POM121: variants seen among roughly 807,000 people sequenced by gnomAD.
POM121 encodes the protein nuclear envelope pore membrane protein POM 121.
Under a neutral mutation model 81.3 loss-of-function variants are expected in POM121, and 32 were observed. The observed-to-expected ratio is 0.39, with a 90% CI of 0.30 to 0.53. POM121 has a LOEUF of 0.53. Among genes scored for constraint, POM121 ranks in the 20% least tolerant of loss-of-function variants. The probability of loss-of-function intolerance (pLI) is 0.66; values close to 1 mark genes in which losing one functional copy is unlikely to be tolerated. For missense variants in POM121, 1,138 were observed against 1,614.6 expected, an observed-to-expected ratio of 0.70 and a Z score of 5.06; for synonymous variants, 514 against 694.2, an observed-to-expected ratio of 0.74 and a Z score of 4.08.
chr7:72,929,004 G>C (rs560555962), intron 4 of POM121, among the ~76,000 whole-genome samples: 3 of 152,324 alleles, frequency 2.0e-5, no homozygotes, highest in East Asian at 1.9e-4. Context: ...CCGTAGTTCT[G>C]CTCACTGTCC....
chr7:72,926,219 C>G lies in POM121; in HGVS notation c.645-43C>G, dbSNP rs545897919. The G allele has an allele frequency of 2.3e-5, 35 of 1,523,974 alleles. No homozygotes were observed. In the East Asian group the frequency reaches 5.4e-4, roughly 24 times the overall value. The allele number at this position is 1,523,974 out of a possible 1,614,324, so 94.4% of individuals were successfully genotyped here. The stretch of plus-strand genomic sequence containing the variant: ...TTTAACCGTTTAAAAATTTGACATT[C>G]TTTTTTGCTTTGGTTCCGTGATTTG... On this transcript the variant is annotated intron_variant, in intron 1 of 12. Coordinates refer to ENST00000434423, the MANE Select transcript of POM121 (RefSeq NM_001387691.1).
At chr7:72,931,130 T>G (rs530143569) in intron 5 of POM121, among the ~76,000 whole-genome samples, 2 of 152,274 alleles carry the variant, frequency 1.3e-5, no homozygotes, top group Admixed American at 1.3e-4. Context: ...GTAATATCAT[T>G]ATCCCTCTTA....
intron 1 of POM121, 55 bp from the exon 2 acceptor site, chr7:72,926,207 A>C (rs1795426564): frequency 6.6e-7 from 1 of 1,508,008 alleles, no homozygotes; most frequent in African/African-American, 1.4e-5. Flanking sequence ...AACCGTTTAA[A>C]AATTTGACAT....
At chr7:72,890,398 C>T (rs1347328783) in intron 1 of POM121, among the ~76,000 whole-genome samples, 1 of 152,102 alleles carries the variant, frequency 6.6e-6, no homozygotes, top group Non-Finnish European at 1.5e-5. Context: ...ATCCCCAAAA[C>T]ACAGTTCAGT....
Position 72,940,027 on chromosome 7 carries a change from A to T in POM121, c.1563+59A>T, listed in dbSNP as rs568098135. On this transcript the variant is annotated intron_variant, in intron 8 of 12. Transcript: ENST00000434423. ...GGCTTAGCTCTCCTAAGTATTAGGA[A>T]CGCTAAGGACAAGTTTCTTCTGATT... is the stretch of plus-strand genomic sequence containing the variant. 8.7e-5 allele frequency: 136 copies of T among 1,563,264 alleles called. 1 individual carries two copies. Among genetic ancestry groups the T allele is most frequent in the Non-Finnish European group, 1.2e-4 (135 of 1,158,176 alleles).
chr7:72,943,073 A>G lies in POM121; in HGVS notation c.3080A>G (p.His1027Arg), dbSNP rs782273062. Residue 1027 changes from histidine (H) to arginine (R), a missense_variant, in exon 11 of 13, where the codon CAT (histidine) becomes CGT (arginine). Around this residue, in one of 7 missense-constraint regions of POM121, gnomAD observed 336 missense variants for 344.3 expected, o/e 0.98. Coordinates refer to ENST00000434423, the MANE Select transcript of POM121 (RefSeq NM_001387691.1). ...CCTGCGTACGTGCCTACGCCCATCC[A>G]TCCTATCTTTGGCGGTGCCACGCAC... ...VVPAYVPTPI[H>R]PIFGGATHSA... The G allele has an allele frequency of 6.2e-7, 1 of 1,613,784 alleles. No individual in the cohort carries two copies. Among genetic ancestry groups the G allele is most frequent in the Admixed American group, 1.7e-5 (1 of 59,990 alleles).
At chr7:72,893,808 G>A (rs1310275544) in intron 3 of POM121, among the ~76,000 whole-genome samples, 5 of 152,026 alleles carry the variant, frequency 3.3e-5, no homozygotes, top group Admixed American at 1.3e-4. Flanking sequence ...CTGTGCTTCC[G>A]CTCCCTTGGG....
intron 4 of POM121, among the ~76,000 whole-genome samples, chr7:72,919,947 T>G (rs1404828614): frequency 6.6e-6 from 1 of 152,228 alleles, no homozygotes; most frequent in African/African-American, 2.4e-5. Flanking sequence ...TAACATGTAC[T>G]GTTTTCCCAG....
chr7:72,949,279 T>C (rs417282), downstream of POM121: 95 of 841,150 alleles, frequency 1.1e-4, 1 homozygote, highest in Middle Eastern at 4.4e-4. Flanking sequence ...TGTGGACCTC[T>C]GAGTCCCTCA....
Position 72,942,581 on chromosome 7 carries a change from T to A in POM121, c.2588T>A (p.Leu863His). The change falls in exon 11 of 13, where the codon CTC becomes CAC. Residue 863 changes from leucine (L) to histidine (H), a missense_variant. Coordinates refer to ENST00000434423, the MANE Select transcript of POM121 (RefSeq NM_001387691.1). ...GCCACTGCCGCCTCACAGCCTTTCC[T>A]CTTCGGGGCGCCCCAGGCCTCTGCT... ...STATAASQPF[L>H]FGAPQASAAS... 1 of 802,340 alleles carries A rather than the reference T, an allele frequency of 1.2e-6. No individual in the cohort carries two copies. Among genetic ancestry groups the A allele is most frequent in the Non-Finnish European group, 1.8e-6 (1 of 540,926 alleles). The allele number at this position is 802,340 out of a possible 1,614,324, so 49.7% of individuals were successfully genotyped here.
In POM121 at chr7:72,926,472, T is replaced by C. The variant is rs1795458089; in HGVS notation, c.855T>C (p.Ser285=). 7 of 1,613,926 alleles carry C rather than the reference T, an allele frequency of 4.3e-6. No homozygotes were observed. The highest frequency in any genetic ancestry group is 5.9e-6 in the Non-Finnish European group (7 of 1,179,890). Residue 285 remains serine (S), a synonymous_variant, in exon 2 of 13, where the codon TCT becomes TCC. Transcript: ENST00000434423. The part of the protein sequence containing the change: ...IAPPDRRFSR[S]AIPEQIISST... The stretch of plus-strand genomic sequence containing the variant: ...CTCCTGACAGAAGATTTTCGCGTTC[T>C]GCGATGTGAGTATTATCGTTGGAAG...
chr7:72,934,901 C>T (rs532440098), intron 5 of POM121, among the ~76,000 whole-genome samples: 2 of 152,072 alleles, frequency 1.3e-5, no homozygotes, highest in South Asian at 4.2e-4. Context: ...ACCCTTGTGC[C>T]AGTCTTTGTT....
intron 1 of POM121, among the ~76,000 whole-genome samples, chr7:72,888,708 A>G (rs1164028468): frequency 1.4e-5 from 2 of 139,558 alleles, no homozygotes; most frequent in Non-Finnish European, 3.0e-5. Flanking sequence ...GTGTGTATAC[A>G]CACAAACTGT....
intron 5 of POM121, among the ~76,000 whole-genome samples, chr7:72,933,911 A>G (rs1199630127): frequency 6.6e-6 from 1 of 152,172 alleles, no homozygotes; most frequent in Non-Finnish European, 1.5e-5. Flanking sequence ...TACTCATGAG[A>G]ATGATCTCAA....
chr7:72,898,105 C>T (rs1430088451), intron 3 of POM121, among the ~76,000 whole-genome samples: 1 of 152,086 alleles, frequency 6.6e-6, no homozygotes, highest in Non-Finnish European at 1.5e-5. Flanking sequence ...AAGGATGACT[C>T]CAGGATTTTT....
intron 1 of POM121, among the ~76,000 whole-genome samples, chr7:72,881,153 C>T (rs573011115): frequency 2.0e-5 from 3 of 151,080 alleles, no homozygotes; most frequent in East Asian, 1.9e-4. Flanking sequence ...CAACTTCCAC[C>T]TCCCAGGTTC....
chr7:72,935,739 C>T (rs1206228725), intron 5 of POM121, among the ~76,000 whole-genome samples: 1 of 151,386 alleles, frequency 6.6e-6, no homozygotes, highest in East Asian at 2.0e-4. Flanking sequence ...CCTCTGCCTC[C>T]CAAAGTGCTG....
Position 72,946,242 on chromosome 7 carries a change from C to G in POM121, c.*8C>G. ...CACACCCGCAAAAAGTAGCCTTTGTCCCCTGTCCCTGTTCCCCCCACCCCT... is the reference window on the plus strand; with the variant it reads ...CACACCCGCAAAAAGTAGCCTTTGTGCCCTGTCCCTGTTCCCCCCACCCCT... On this transcript the variant is annotated 3_prime_UTR_variant, in exon 13 of 13. Transcript: ENST00000434423. 6.2e-7 allele frequency: 1 copy of G among 1,611,094 alleles called. No homozygotes were observed. The highest frequency in any genetic ancestry group is 1.7e-5 in the Admixed American group (1 of 59,884).
chr7:72,907,982 A>G (rs1247722190), intron 3 of POM121, among the ~76,000 whole-genome samples: 1 of 152,062 alleles, frequency 6.6e-6, no homozygotes, highest in Non-Finnish European at 1.5e-5. Context: ...TTATGGCAAG[A>G]TTGTTATGAT....
Sources: gnomAD v4.1 joint callset for allele counts (sites outside exome capture counted in the v4.1 genomes callset) on GRCh38, gnomAD v4.1.1 for gene constraint, gnomAD v4.1.1 regional missense constraint, MANE v1.5 for transcripts, NCBI Gene and HGNC (gene_info 2026-07-23, HGNC 2026-07-21) for gene names.